The following CACNA1A variants were observed in gnomAD, a reference collection of about 807,000 sequenced individuals.
CACNA1A encodes calcium voltage-gated channel subunit alpha1 A.
Under a neutral mutation model 262.4 loss-of-function variants are expected in CACNA1A, and 57 were observed. That is an observed-to-expected ratio of 0.22 (90% CI 0.18 to 0.27). The LOEUF (loss-of-function observed/expected upper bound fraction) is 0.27, where lower values mean the gene tolerates loss of function less well. CACNA1A is among the 10% of genes least tolerant of loss of function. The pLI is 1.00. For missense variants in CACNA1A, 2,526 were observed against 3,562.8 expected, an observed-to-expected ratio of 0.71 and a Z score of 7.41; for synonymous variants, 1,431 against 1,419.3, an observed-to-expected ratio of 1.01 and a Z score of -0.18.
intron 1 of CACNA1A, among the ~76,000 whole-genome samples, chr19:13,469,615 A>AT (rs745335031): frequency 0.064 from 8,594 of 133,758 alleles, 572 homozygotes; most frequent in East Asian, 0.29. Context: ...CGCCTGGCTA[A>AT]TTTTTTTTTT....
At chr19:13,493,433 C>T (rs1981132384) in intron 1 of CACNA1A, among the ~76,000 whole-genome samples, 1 of 152,252 alleles carries the variant, frequency 6.6e-6, no homozygotes, top group Non-Finnish European at 1.5e-5. Flanking sequence ...ATCTTGCCCC[C>T]TCCCCCTACA....
chr19:13,352,535 T>C (rs1305024632), intron 6 of CACNA1A, among the ~76,000 whole-genome samples: 1 of 152,218 alleles, frequency 6.6e-6, no homozygotes, highest in Non-Finnish European at 1.5e-5. Context: ...CCAGTTTTTC[T>C]TTACTTATAT....
At chr19:13,293,366 C>G (rs1009662915) in intron 19 of CACNA1A, among the ~76,000 whole-genome samples, 6 of 149,994 alleles carry the variant, frequency 4.0e-5, no homozygotes, top group African/African-American at 1.5e-4. Flanking sequence ...CAAAAAATTG[C>G]TAACATTTAT....
At position 13,356,159 on chromosome 19, in the gene CACNA1A, A is replaced by C. The variant is rs140430998; in HGVS notation, c.978+3447T>G. Among the ~76,000 whole-genome samples, 278 of 152,314 alleles carry C rather than the reference A, an allele frequency of 1.8e-3. 3 individuals are homozygous for C. The highest frequency in any genetic ancestry group is 1.8e-3 in the Admixed American group (27 of 15,302). The stretch of plus-strand genomic sequence containing the variant: ...CACACCTCACTCCACTTCCTCAGGC[A>C]CTGCTGGAGCTGTTCTAATGAAAAA... On this transcript the variant is annotated intron_variant, in intron 6 of 46. Transcript: ENST00000360228.
chr19:13,429,652 G>T (rs929597539), intron 3 of CACNA1A, among the ~76,000 whole-genome samples: 3 of 151,688 alleles, frequency 2.0e-5, no homozygotes, highest in African/African-American at 7.3e-5. Context: ...TGAAAGCAGG[G>T]ACTCAGCTAT....
At chr19:13,296,167 A>C (rs1487147350) in intron 19 of CACNA1A, among the ~76,000 whole-genome samples, 1 of 152,214 alleles carries the variant, frequency 6.6e-6, no homozygotes, top group Non-Finnish European at 1.5e-5. Context: ...AGCTCGTTGC[A>C]AATGCAGAAT....
chr19:13,398,647 C>T (rs982645361), intron 3 of CACNA1A, among the ~76,000 whole-genome samples: 19 of 152,210 alleles, frequency 1.2e-4, no homozygotes, highest in Admixed American at 6.5e-5. Flanking sequence ...TATATCCTGC[C>T]TGATTATTTA....
intron 3 of CACNA1A, among the ~76,000 whole-genome samples, chr19:13,384,887 G>A (rs2059583696): frequency 6.6e-6 from 1 of 152,082 alleles, no homozygotes; most frequent in Non-Finnish European, 1.5e-5. Flanking sequence ...GAGAACAAGA[G>A]GAGAAGAACT....
At chr19:13,480,703 A>G (rs1184264895) in intron 1 of CACNA1A, among the ~76,000 whole-genome samples, 1 of 151,410 alleles carries the variant, frequency 6.6e-6, no homozygotes, top group African/African-American at 2.5e-5. Flanking sequence ...AAAAAGTTAC[A>G]CACACATTTT....
chr19:13,331,165 C>A (rs563163494), intron 9 of CACNA1A, among the ~76,000 whole-genome samples: 5 of 152,150 alleles, frequency 3.3e-5, no homozygotes, highest in Non-Finnish European at 5.9e-5. Context: ...CCTTCTGGGA[C>A]GCAGTGCCAG....
At chr19:13,392,776 G>A (rs542970343) in intron 3 of CACNA1A, among the ~76,000 whole-genome samples, 1 of 151,478 alleles carries the variant, frequency 6.6e-6, no homozygotes, top group Non-Finnish European at 1.5e-5. Flanking sequence ...GGAGTTTCAT[G>A]TATTCTGCCA....
chr19:13,379,896 C>T (rs778825071), intron 3 of CACNA1A, among the ~76,000 whole-genome samples: 5 of 94,242 alleles, frequency 5.3e-5, no homozygotes, highest in African/African-American at 1.4e-4. Flanking sequence ...TGCACTCCAG[C>T]CTGGTGACAG....
At chr19:13,449,513 A>T (rs1323996440) in intron 3 of CACNA1A, among the ~76,000 whole-genome samples, 1 of 151,694 alleles carries the variant, frequency 6.6e-6, no homozygotes, top group Non-Finnish European at 1.5e-5. Context: ...GTTTCACTAC[A>T]TTGGCCAGGC....
rs752280152 is a variant in CACNA1A at position 13,452,859 on chromosome 19, T to C, written c.539+17A>G. ...TTCAGCTAGTTAAATCCAAAGCGTATAGCACGCGCCACTTACCCCGTTAGC... is the reference window on the plus strand; with the variant it reads ...TTCAGCTAGTTAAATCCAAAGCGTACAGCACGCGCCACTTACCCCGTTAGC... On this transcript the variant is annotated intron_variant, in intron 3 of 46. Transcript: ENST00000360228. 1.7e-4 allele frequency: 273 copies of C among 1,611,634 alleles called. No homozygotes were observed. The highest frequency in any genetic ancestry group is 2.2e-4 in the Non-Finnish European group (265 of 1,178,396).
intron 3 of CACNA1A, among the ~76,000 whole-genome samples, chr19:13,396,807 C>T (rs916463474): frequency 4.6e-5 from 7 of 151,894 alleles, no homozygotes; most frequent in Non-Finnish European, 7.3e-5. Context: ...GACTACAACT[C>T]CCAGAATGCT....
At chr19:13,401,070 C>T (rs967230141) in intron 3 of CACNA1A, among the ~76,000 whole-genome samples, 2 of 152,046 alleles carry the variant, frequency 1.3e-5, no homozygotes, top group Non-Finnish European at 2.9e-5. Flanking sequence ...GTGATCTGCC[C>T]GCCTCAGCCT....
chr19:13,408,837 G>A (rs2060058305), intron 3 of CACNA1A, among the ~76,000 whole-genome samples: 1 of 152,238 alleles, frequency 6.6e-6, no homozygotes, highest in Admixed American at 6.5e-5. Context: ...TGTCCTTGAG[G>A]GGTTTGAAGG....
chr19:13,503,910 A>G (rs1982697835), intron 1 of CACNA1A, among the ~76,000 whole-genome samples: 1 of 152,020 alleles, frequency 6.6e-6, no homozygotes, highest in African/African-American at 2.4e-5. Flanking sequence ...CTCTCCCACG[A>G]TTCCCCCTTC....
At chr19:13,334,265 T>C in intron 8 of CACNA1A, 113 bp downstream of exon 8, 1 of 659,458 alleles carries the variant, frequency 1.5e-6, no homozygotes, top group South Asian at 1.8e-5. Context: ...TCAGGTTCTC[T>C]TTCTCCTCCC....
Sources: allele counts gnomAD v4.1 joint callset (sites outside exome capture counted in the v4.1 genomes callset), GRCh38; gene constraint gnomAD v4.1.1; transcripts MANE v1.5; gene names NCBI Gene and HGNC (gene_info 2026-07-23, HGNC 2026-07-21).